PASD1: variants seen among roughly 807,000 people sequenced by gnomAD.
The protein encoded by PASD1 is PAS domain containing repressor 1, also known as circadian clock protein PASD1.
PASD1 carries 13 observed loss-of-function variants against 58.8 expected under a neutral mutation model. The observed-to-expected ratio is 0.22, with a 90% CI of 0.14 to 0.35. PASD1 has a LOEUF of 0.35. Among genes scored for constraint, PASD1 ranks in the 10% least tolerant of loss-of-function variants. PASD1 has a pLI of 1.00. For missense variants in PASD1, 734 were observed against 568.3 expected (o/e 1.29, Z -2.96); for synonymous variants, 236 against 216.7 (o/e 1.09, Z -0.78).
intron 1 of PASD1, among the ~76,000 whole-genome samples, chrX:151,589,141 C>CTG (rs775876415): frequency 2.7e-5 from 3 of 111,772 alleles, no homozygotes; most frequent in East Asian, 5.6e-4. Context: ...ATGTGGGCTG[C>CTG]TGTGTGTTAT....
intron 3 of PASD1, among the ~76,000 whole-genome samples, chrX:151,608,199 C>T (rs1378277935): frequency 9.0e-6 from 1 of 111,236 alleles, no homozygotes; most frequent in African/African-American, 3.3e-5. Context: ...TCTTATTGCT[C>T]CACATCCTTG....
chrX:151,624,687 C>T (rs2013761114), intron 7 of PASD1, among the ~76,000 whole-genome samples: 1 of 111,995 alleles, frequency 8.9e-6, no homozygotes, highest in African/African-American at 3.2e-5. Flanking sequence ...CCAGAGAGGG[C>T]AACATGCTTG....
At chrX:151,634,691 G>T (rs770346412) in intron 8 of PASD1, among the ~76,000 whole-genome samples, 1 of 111,478 alleles carries the variant, frequency 9.0e-6, no homozygotes, top group South Asian at 3.8e-4. Flanking sequence ...GTCAAGTTAC[G>T]CATTTTTATC....
At chrX:151,564,800 G>T (rs1569395184) in intron 1 of PASD1, among the ~76,000 whole-genome samples, 1 of 110,669 alleles carries the variant, frequency 9.0e-6, no homozygotes, top group African/African-American at 3.3e-5. Context: ...GAGCCTGGGA[G>T]TTCGAGGTTG....
At chrX:151,612,766 T>C (rs1468322771) in intron 4 of PASD1, among the ~76,000 whole-genome samples, 2 of 111,740 alleles carry the variant, frequency 1.8e-5, no homozygotes, top group Non-Finnish European at 1.9e-5. Context: ...GTTCTGTAGG[T>C]TGCCTGTTCA....
In PASD1 at chrX:151,610,405, C is replaced by T. The variant is rs113322526; in HGVS notation, c.118-1259C>T. Among the ~76,000 whole-genome samples, 505 of 111,308 alleles carry T rather than the reference C, an allele frequency of 4.5e-3. 1 individual carries two copies. The highest frequency in any genetic ancestry group is 0.015 in the African/African-American group (467 of 30,714). On this transcript the variant is annotated intron_variant, in intron 3 of 15. Transcript: ENST00000370357. ...TTGTTTGATTATGTTTTATATCTCACGAGTCAGTTTTGAGTCTCTTGTTTC... is the reference window on the plus strand; with the variant it reads ...TTGTTTGATTATGTTTTATATCTCATGAGTCAGTTTTGAGTCTCTTGTTTC...
At chrX:151,599,680 G>A (rs2013381814) in intron 1 of PASD1, among the ~76,000 whole-genome samples, 1 of 106,815 alleles carries the variant, frequency 9.4e-6, no homozygotes, top group African/African-American at 3.4e-5. Flanking sequence ...CAGACGGGCA[G>A]AGGCGCTCCC....
intron 8 of PASD1, among the ~76,000 whole-genome samples, chrX:151,635,609 T>G (rs1357622592): frequency 8.9e-6 from 1 of 112,250 alleles, no homozygotes; most frequent in Non-Finnish European, 1.9e-5. Flanking sequence ...AAATATCAAA[T>G]GCACAGAAAG....
In PASD1 at chrX:151,676,080, G is replaced by A. The variant is rs1262245611; in HGVS notation, c.2259G>A (p.Met753Ile). 8.3e-7 allele frequency: 1 copy of A among 1,210,809 alleles called. No individual in the cohort carries two copies. Among genetic ancestry groups the A allele is most frequent in the African/African-American group, 1.7e-5 (1 of 57,663 alleles). The change falls in exon 16 of 16, where the codon ATG becomes ATA. Residue 753 changes from methionine to isoleucine, a missense_variant. By Grantham distance (10) the Met-to-Ile change is conservative (BLOSUM62 1). Transcript: ENST00000370357. ...CTGCTGCATACCAGCCAGACCAGAT[G>A]AGATCTGCGGAGCAGACCAGATTGA... is the stretch of plus-strand genomic sequence containing the variant. ...QGPAAYQPDQ[M>I]RSAEQTRLMP...
In PASD1 at chrX:151,668,084, A is replaced by C. The variant is rs1036654802; in HGVS notation, c.1072-2954A>C. 5.4e-5 allele frequency among the ~76,000 whole-genome samples: 6 copies of C among 111,143 alleles called. No homozygotes were observed. The Admixed American group carries it at 5.8e-4, about 11-fold the overall frequency. On this transcript the variant is annotated intron_variant, in intron 11 of 15. Transcript: ENST00000370357. Reference sequence around the variant, plus strand: ...AGAGACGGCATCCCTGTCTTGTGCCAGTTTTCAAAGGGAATGCTTCCAGTT... The same window carrying C: ...AGAGACGGCATCCCTGTCTTGTGCCCGTTTTCAAAGGGAATGCTTCCAGTT...
At chrX:151,591,902 ACT>A (rs754453023) in intron 1 of PASD1, among the ~76,000 whole-genome samples, 13 of 110,122 alleles carry the variant, frequency 1.2e-4, no homozygotes, top group Admixed American at 2.9e-4. Flanking sequence ...ACACACACAT[ACT>A]CTCTCTCTCT....
At chrX:151,631,888 A>G (rs1197727451) in intron 8 of PASD1, among the ~76,000 whole-genome samples, 1 of 112,118 alleles carries the variant, frequency 8.9e-6, no homozygotes, top group Admixed American at 9.5e-5. Flanking sequence ...GGCCTTGCAC[A>G]TCATTGTAAA....
At chrX:151,593,129 C>G (rs965340208) in intron 1 of PASD1, among the ~76,000 whole-genome samples, 2 of 111,027 alleles carry the variant, frequency 1.8e-5, no homozygotes, top group African/African-American at 6.5e-5. Context: ...ATCCTAGAGT[C>G]TACTTTGTGT....
At chrX:151,652,949 G>A (rs1458600994) in intron 9 of PASD1, among the ~76,000 whole-genome samples, 1 of 110,516 alleles carries the variant, frequency 9.0e-6, no homozygotes, top group Non-Finnish European at 1.9e-5. Flanking sequence ...ATGAAATGGA[G>A]AATGATTAGA....
Position 151,672,225 on chromosome X carries a change from C to CGGCAGCTGCGGG in PASD1, c.1481_1492dup (p.Arg497_Glu498insGlyGlnLeuArg). 8.8e-7 allele frequency: 1 copy of CGGCAGCTGCGGG among 1,137,385 alleles called. No individual in the cohort carries two copies. The highest frequency in any genetic ancestry group is 1.2e-6 in the Non-Finnish European group (1 of 850,885). The allele number at this position is 1,137,385 out of a possible 1,213,427, so 93.7% of individuals were successfully genotyped here. A position where few individuals can be genotyped will look rare whatever the true frequency, so the allele number is the denominator to read the frequency against. On this transcript the variant is annotated inframe_insertion, in exon 14 of 16. Transcript: ENST00000370357. ...AGAACAACACCTGAAGGAGCAGCAG[C>CGGCAGCTGCGGG]GGCAGCTGCGGGAGCAGCTGCAACA...
At chrX:151,640,607 T>C (rs980208377) in intron 8 of PASD1, among the ~76,000 whole-genome samples, 48 of 111,721 alleles carry the variant, frequency 4.3e-4, no homozygotes, top group African/African-American at 1.2e-3. Context: ...CACACAGTGC[T>C]GGTCTTAGTA....
At chrX:151,638,970 C>T (rs1383008745) in intron 8 of PASD1, among the ~76,000 whole-genome samples, 2 of 111,831 alleles carry the variant, frequency 1.8e-5, no homozygotes, top group African/African-American at 6.5e-5. Context: ...CAAAAACTTT[C>T]GGTGCTTTCT....
chrX:151,626,862 A>G (rs913933802), intron 8 of PASD1, among the ~76,000 whole-genome samples: 7 of 111,163 alleles, frequency 6.3e-5, no homozygotes, highest in African/African-American at 2.3e-4. Flanking sequence ...TAAACAGGAA[A>G]TATTTGAGGC....
At chrX:151,647,184 G>A (rs1246997303) in intron 8 of PASD1, among the ~76,000 whole-genome samples, 3 of 111,669 alleles carry the variant, frequency 2.7e-5, no homozygotes, top group East Asian at 2.8e-4. Context: ...TGGGAGTCAC[G>A]CATAGTTGAA....
Sources: allele counts gnomAD v4.1 joint callset (sites outside exome capture counted in the v4.1 genomes callset), GRCh38; gene constraint gnomAD v4.1.1; transcripts MANE v1.5; gene names NCBI Gene and HGNC (gene_info 2026-07-23, HGNC 2026-07-21).